Variants in SCNN1B observed in about 807,000 individuals in gnomAD.
SCNN1B encodes the protein epithelial sodium channel subunit beta.
Under a neutral mutation model 65.3 loss-of-function variants are expected in SCNN1B, and 46 were observed. The observed-to-expected ratio is 0.70, with a 90% confidence interval of 0.56 to 0.90. SCNN1B has a LOEUF of 0.90. Ranked by LOEUF, SCNN1B falls within the 40% of genes least tolerant of loss-of-function variation. The pLI, the probability that SCNN1B is intolerant of heterozygous loss-of-function variation, is 0.00. For synonymous variants in SCNN1B, 349 were observed against 330.6 expected, an observed-to-expected ratio of 1.06 and a Z score of -0.60; for missense variants, 751 against 830.5, an observed-to-expected ratio of 0.90 and a Z score of 1.18.
At chr16:23,334,341 G>A (rs552148345) in intron 1 of SCNN1B, among the ~76,000 whole-genome samples, 1 of 152,356 alleles carries the variant, frequency 6.6e-6, no homozygotes, top group South Asian at 2.1e-4. Flanking sequence ...TCGAATGAGT[G>A]ATAAAGTGTT....
chr16:23,343,591 GAAA>G (rs1567304310), intron 1 of SCNN1B, among the ~76,000 whole-genome samples: 2 of 60,896 alleles, frequency 3.3e-5, no homozygotes, highest in Admixed American at 1.8e-4. Context: ...GAGAAAGAAA[GAAA>G]GAAAGAAAGA....
At chr16:23,289,279 G>A (rs765042882) in intron 2 of SCNN1B, among the ~76,000 whole-genome samples, 2 of 152,204 alleles carry the variant, frequency 1.3e-5, no homozygotes, top group Admixed American at 6.5e-5. Flanking sequence ...TGGAGGCTGC[G>A]TGTGGTAGCT....
chr16:23,355,285 C>T lies in SCNN1B; in HGVS notation c.586-14C>T. ...TCCCACGCCACCCACAAAAACCCCT[C>T]TTGGCCTCCACAGTGTAGCCTCAAC... is the stretch of plus-strand genomic sequence containing the variant. On this transcript the variant is annotated splice_polypyrimidine_tract_variant and intron_variant, in intron 3 of 12. Transcript: ENST00000343070. 6.2e-7 allele frequency: 1 copy of T among 1,614,136 alleles called. No individual in the cohort carries two copies. Among genetic ancestry groups the T allele is most frequent in the Non-Finnish European group, 8.5e-7 (1 of 1,179,962 alleles).
At position 23,380,957 on chromosome 16, in the gene SCNN1B, C is replaced by T; in HGVS notation, c.*156C>T. 6 of 787,322 alleles carry T rather than the reference C, an allele frequency of 7.6e-6. No individual in the cohort carries two copies. The South Asian group carries it at 8.5e-5, about 11-fold the overall frequency. 48.8% of individuals were successfully genotyped at this position (787,322 alleles called of 1,614,324 possible). On this transcript the variant is annotated 3_prime_UTR_variant, in exon 13 of 13. Transcript: ENST00000343070. This position sits in a 1 kb window ranked among gnomAD's most constrained non-coding sequence, Gnocchi z 5.4. ...AACAGAGAGGCCAGCGGCAACTGGT[C>T]CGTTACTGGCCAAGGGCTCTGTAGA...
intron 1 of SCNN1B, among the ~76,000 whole-genome samples, chr16:23,315,294 A>G (rs1961429822): frequency 6.6e-6 from 1 of 151,970 alleles, no homozygotes; most frequent in South Asian, 2.1e-4. Flanking sequence ...CCAAGATCGC[A>G]CCATTGCACT....
rs1567319360 is a variant in SCNN1B, at chr16:23,377,583, C to CTT, written c.1404+197_1404+198insTT. On this transcript the variant is annotated intron_variant, in intron 10 of 12. Coordinates refer to ENST00000343070, the MANE Select transcript of SCNN1B (RefSeq NM_000336.3). ...CTTCCTCCTCTCTTTTCCCTTCCTCCCTCCCTTCTCCCTTCCTTCCTTCCT... is the reference window on the plus strand; with the variant it reads ...CTTCCTCCTCTCTTTTCCCTTCCTCCTTCTCCCTTCTCCCTTCCTTCCTTCCT... 5.0e-3 allele frequency among the ~76,000 whole-genome samples: 682 copies of CTT among 135,604 alleles called. 4 individuals carry two copies. Among genetic ancestry groups the CTT allele is most frequent in the Non-Finnish European group, 7.8e-3 (514 of 66,148 alleles). 89.0% of individuals were successfully genotyped at this position (135,604 alleles called of 152,430 possible).
Position 23,373,773 on chromosome 16 carries a change from G to A in SCNN1B, c.1152+1890G>A, listed in dbSNP as rs141918369. 2.2e-3 allele frequency among the ~76,000 whole-genome samples: 329 copies of A among 152,254 alleles called. 1 individual carries two copies. The highest frequency in any genetic ancestry group is 0.01 in the Middle Eastern group (3 of 294). ...TGCCTGGCTGGTTTGGCCACCTCGCGTCTGGAGGGACTTCTGCCCATTATG... is the reference window on the plus strand; with the variant it reads ...TGCCTGGCTGGTTTGGCCACCTCGCATCTGGAGGGACTTCTGCCCATTATG... On this transcript the variant is annotated intron_variant, in intron 7 of 12. Coordinates refer to ENST00000343070, the MANE Select transcript of SCNN1B (RefSeq NM_000336.3).
chr16:23,292,428 A>T (rs1960938905), intron 2 of SCNN1B, among the ~76,000 whole-genome samples: 1 of 150,242 alleles, frequency 6.7e-6, no homozygotes, highest in South Asian at 2.1e-4. Flanking sequence ...CGATCTCCTG[A>T]CCTCGTGATC....
In SCNN1B at chr16:23,374,823, A is replaced by C. The variant is rs536837034; in HGVS notation, c.1153-915A>C. On this transcript the variant is annotated intron_variant, in intron 7 of 12. Transcript: ENST00000343070. ...CGGGGCCGAGTGGAGAGAGGTAGGG[A>C]GGAGCTGGCCAGGGCTGTGTCCAGG... Among the ~76,000 whole-genome samples the C allele has an allele frequency of 1.1e-4, 17 of 151,616 alleles. No homozygotes were observed. The East Asian group carries it at 3.3e-3, about 30-fold the overall frequency.
intron 1 of SCNN1B, among the ~76,000 whole-genome samples, chr16:23,332,977 A>G (rs1184013004): frequency 2.0e-5 from 3 of 152,156 alleles, no homozygotes; most frequent in Admixed American, 6.5e-5. Context: ...AGGTTGAGGC[A>G]GGAGAATCGC....
At chr16:23,369,469 G>A (rs1005769081) in intron 5 of SCNN1B, among the ~76,000 whole-genome samples, 2 of 152,128 alleles carry the variant, frequency 1.3e-5, no homozygotes, top group Non-Finnish European at 2.9e-5. Flanking sequence ...GGTGGATGAC[G>A]GATCCCCCTC....
intron 1 of SCNN1B, among the ~76,000 whole-genome samples, chr16:23,337,364 CTCTT>C (rs1247806563): frequency 1.4e-5 from 2 of 143,160 alleles, no homozygotes; most frequent in Non-Finnish European, 3.0e-5. Flanking sequence ...AGGTTTCTTT[CTCTT>C]TCTTTCTTTT....
chr16:23,279,809 G>A (rs1232268434), intron 1 of SCNN1B, among the ~76,000 whole-genome samples: 5 of 152,142 alleles, frequency 3.3e-5, no homozygotes, highest in East Asian at 1.9e-4. Context: ...AGGCAGGGCC[G>A]GGCTTGCTGG....
intron 7 of SCNN1B, among the ~76,000 whole-genome samples, chr16:23,374,335 A>T (rs149276160): frequency 0.081 from 11,940 of 147,450 alleles, 617 homozygotes; most frequent in Non-Finnish European, 0.12. Flanking sequence ...GCACTTTGGG[A>T]GGTCAAGGTG....
intron 1 of SCNN1B, among the ~76,000 whole-genome samples, chr16:23,346,200 C>CTTTTTTTTTTTTTTTTTTTTTTTTTT (rs753802362): frequency 9.0e-5 from 7 of 78,012 alleles, no homozygotes; most frequent in Non-Finnish European, 1.4e-4. Context: ...TTTTCCTTTT[C>CTTTTTTTTTTTTTTTTTTTTTTTTTT]TTTTTTTTTT....
At chr16:23,323,029 AC>A (rs1019777683) in intron 1 of SCNN1B, among the ~76,000 whole-genome samples, 34 of 150,060 alleles carry the variant, frequency 2.3e-4, no homozygotes, top group South Asian at 6.3e-4. Context: ...TACTAAAAAT[AC>A]AAAAAAAAAA....
intron 4 of SCNN1B, among the ~76,000 whole-genome samples, chr16:23,363,639 C>T (rs1962594523): frequency 1.3e-5 from 2 of 152,116 alleles, no homozygotes; most frequent in South Asian, 2.1e-4. Context: ...ATAGCAAGAC[C>T]CCATCTCCAC....
rs185415293 is a variant in SCNN1B, at chr16:23,313,690, C to T, written c.-9+11253C>T. On this transcript the variant is annotated intron_variant, in intron 1 of 12. Coordinates refer to ENST00000343070, the MANE Select transcript of SCNN1B (RefSeq NM_000336.3). Reference sequence around the variant, plus strand: ...GCAGTGGCACGATCTCGGCTCACTGCAACCACTGCCTCTTGGGTTCAAGCC... The same window carrying T: ...GCAGTGGCACGATCTCGGCTCACTGTAACCACTGCCTCTTGGGTTCAAGCC... Among the ~76,000 whole-genome samples, 135 of 152,336 alleles carry T rather than the reference C, an allele frequency of 8.9e-4. No homozygotes were observed. The East Asian group carries it at 8.9e-3, about 10-fold the overall frequency.
chr16:23,294,485 A>AC (rs1291748217), intron 2 of SCNN1B, among the ~76,000 whole-genome samples: 1 of 125,742 alleles, frequency 8.0e-6, no homozygotes, highest in Non-Finnish European at 1.7e-5. Flanking sequence ...ACCTCTCTGA[A>AC]CCCCCCTCTT....
Sources: gnomAD v4.1 joint callset for allele counts (sites outside exome capture counted in the v4.1 genomes callset) on GRCh38, gnomAD v4.1.1 for gene constraint, Gnocchi (gnomAD v3.1) non-coding constraint, MANE v1.5 for transcripts, NCBI Gene and HGNC (gene_info 2026-07-23, HGNC 2026-07-21) for gene names.